Variants in ERBB4 observed in about 807,000 individuals in gnomAD.
ERBB4 encodes the protein erb-b2 receptor tyrosine kinase 4, also known as receptor tyrosine-protein kinase erbB-4.
ERBB4 carries 42 observed loss-of-function variants against 158.0 expected under a neutral mutation model. That is an observed-to-expected ratio of 0.27 (90% CI 0.21 to 0.34). The LOEUF (loss-of-function observed/expected upper bound fraction) is 0.34. ERBB4 is among the 10% of genes least tolerant of loss of function. The pLI, the probability that ERBB4 is intolerant of heterozygous loss-of-function variation, is 1.00. For synonymous variants in ERBB4, 583 were observed against 558.7 expected (o/e 1.04, Z -0.61); for missense variants, 1,333 against 1,624.1 (o/e 0.82, Z 3.08).
intron 1 of ERBB4, among the ~76,000 whole-genome samples, chr2:212,313,035 T>C (rs1178679338): frequency 6.6e-6 from 1 of 150,890 alleles, no homozygotes; most frequent in East Asian, 2.0e-4. Context: ...TTTTGGCAAG[T>C]TTCTTTTCAT....
intron 1 of ERBB4, among the ~76,000 whole-genome samples, chr2:212,277,498 G>A (rs1156862274): frequency 6.6e-6 from 1 of 151,440 alleles, no homozygotes; most frequent in Non-Finnish European, 1.5e-5. Context: ...TCATTTCAAG[G>A]GCCTAGTGTA....
intron 12 of ERBB4, among the ~76,000 whole-genome samples, chr2:211,696,751 C>T (rs1348728542): frequency 2.0e-5 from 3 of 152,054 alleles, no homozygotes; most frequent in African/African-American, 7.2e-5. Flanking sequence ...CTCACTGCAA[C>T]CTCTGCCTCC....
At chr2:212,347,492 T>C (rs1173959216) in intron 1 of ERBB4, among the ~76,000 whole-genome samples, 1 of 152,140 alleles carries the variant, frequency 6.6e-6, no homozygotes, top group Non-Finnish European at 1.5e-5. Flanking sequence ...TAGTGTGACT[T>C]TATTTAATTG....
intron 20 of ERBB4, among the ~76,000 whole-genome samples, chr2:211,547,559 CA>C (rs1421243383): frequency 6.6e-6 from 1 of 151,972 alleles, no homozygotes; most frequent in Non-Finnish European, 1.5e-5. Context: ...GTTTTAGAAA[CA>C]AAAGCCATAG....
At chr2:212,500,890 C>T (rs573675449) in intron 1 of ERBB4, among the ~76,000 whole-genome samples, 1 of 152,164 alleles carries the variant, frequency 6.6e-6, no homozygotes, top group Admixed American at 6.5e-5. Flanking sequence ...TTGGAATACA[C>T]CTGGCATATA....
intron 1 of ERBB4, among the ~76,000 whole-genome samples, chr2:212,277,754 T>C (rs1574581238): frequency 6.6e-6 from 1 of 151,896 alleles, no homozygotes; most frequent in Non-Finnish European, 1.5e-5. Context: ...TTCATCTTTA[T>C]ATGCTGACAC....
At chr2:212,362,519 A>G (rs995583898) in intron 1 of ERBB4, among the ~76,000 whole-genome samples, 1 of 150,678 alleles carries the variant, frequency 6.6e-6, no homozygotes, top group Non-Finnish European at 1.5e-5. Context: ...TAAGCTATCT[A>G]GTGTGACTTG....
In ERBB4 at chr2:211,444,066, G is replaced by C. The variant is rs543078322; in HGVS notation, c.2488-12966C>G. Reference sequence around the variant, plus strand: ...CTGATAATGCTGTCTTTCCTATAATGGTTTAATTTCAGCACCCTTACCATC... The same window carrying C: ...CTGATAATGCTGTCTTTCCTATAATCGTTTAATTTCAGCACCCTTACCATC... On this transcript the variant is annotated intron_variant, in intron 20 of 27. Coordinates refer to ENST00000342788, the MANE Select transcript of ERBB4 (RefSeq NM_005235.3). 3.3e-5 allele frequency among the ~76,000 whole-genome samples: 5 copies of C among 151,890 alleles called. No homozygotes were observed. The East Asian group carries it at 9.7e-4, about 29-fold the overall frequency.
At chr2:211,722,345 T>C in intron 7 of ERBB4, 48 bp downstream of exon 7, 2 of 1,488,536 alleles carry the variant, frequency 1.3e-6, no homozygotes, top group Non-Finnish European at 1.9e-6. Flanking sequence ...TTCTTTTGAT[T>C]TCAAATAATG....
chr2:211,471,070 C>T (rs1014035915), intron 20 of ERBB4, among the ~76,000 whole-genome samples: 2 of 151,928 alleles, frequency 1.3e-5, no homozygotes, highest in African/African-American at 2.4e-5. Flanking sequence ...GTATGGCTAC[C>T]GAAGACCATT....
chr2:211,648,010 C>T (rs2070839233), intron 16 of ERBB4, among the ~76,000 whole-genome samples: 1 of 151,768 alleles, frequency 6.6e-6, no homozygotes, highest in East Asian at 1.9e-4. Context: ...TTTCCATCTA[C>T]ACTTTCTACA....
At chr2:212,286,246 A>T (rs114566530) in intron 1 of ERBB4, among the ~76,000 whole-genome samples, 2,693 of 152,268 alleles carry the variant, frequency 0.018, 85 homozygotes, top group African/African-American at 0.062. Flanking sequence ...TATGAAATAC[A>T]ACCAATATCA....
At chr2:211,700,439 T>G (rs2073191568) in intron 12 of ERBB4, among the ~76,000 whole-genome samples, 1 of 152,178 alleles carries the variant, frequency 6.6e-6, no homozygotes. Flanking sequence ...AGTAAGAACT[T>G]AAGTTCACTC....
At chr2:212,518,149 A>G (rs10172512) in intron 1 of ERBB4, among the ~76,000 whole-genome samples, 15,145 of 152,080 alleles carry the variant, frequency 0.1, 1,014 homozygotes, top group Non-Finnish European at 0.15. Context: ...ATTTGACCAT[A>G]AATCAGTCTA....
At chr2:211,999,178 T>C (rs1340583122) in intron 2 of ERBB4, among the ~76,000 whole-genome samples, 1 of 151,850 alleles carries the variant, frequency 6.6e-6, no homozygotes, top group Non-Finnish European at 1.5e-5. Context: ...TTTCCCAAAT[T>C]AGTCTTCCCA....
Position 211,880,952 on chromosome 2 carries a change from C to T in ERBB4, c.421+66478G>A, listed in dbSNP as rs2078644910. Among the ~76,000 whole-genome samples, 2 of 152,124 alleles carry T rather than the reference C, an allele frequency of 1.3e-5. 1 individual carries two copies. The highest frequency in any genetic ancestry group is 4.1e-4 in the South Asian group (2 of 4,828). Reference sequence around the variant, plus strand: ...GTAATATCCAATGCCACAGACATCTCAATTAGTGGAGCTTACTCAGTTTTG... The same window carrying T: ...GTAATATCCAATGCCACAGACATCTTAATTAGTGGAGCTTACTCAGTTTTG... On this transcript the variant is annotated intron_variant, in intron 3 of 27. Coordinates refer to ENST00000342788, the MANE Select transcript of ERBB4 (RefSeq NM_005235.3).
At chr2:211,427,372 T>C (rs1574469943) in intron 22 of ERBB4, among the ~76,000 whole-genome samples, 1 of 152,284 alleles carries the variant, frequency 6.6e-6, no homozygotes, top group Non-Finnish European at 1.5e-5. Context: ...TTATATGATA[T>C]ATTTAAACTT....
At chr2:212,187,432 TAAATA>T (rs1045672058) in intron 1 of ERBB4, among the ~76,000 whole-genome samples, 1 of 132,820 alleles carries the variant, frequency 7.5e-6, no homozygotes, top group Admixed American at 7.2e-5. Context: ...AATAAATAAA[TAAATA>T]AATAAATAAA....
chr2:212,160,481 C>G (rs1288722646), intron 1 of ERBB4, among the ~76,000 whole-genome samples: 1 of 151,928 alleles, frequency 6.6e-6, no homozygotes, highest in African/African-American at 2.4e-5. Flanking sequence ...CTGTATCACA[C>G]ACACAAAAAG....
Sources: allele counts gnomAD v4.1 joint callset (sites outside exome capture counted in the v4.1 genomes callset), GRCh38; gene constraint gnomAD v4.1.1; transcripts MANE v1.5; gene names NCBI Gene and HGNC (gene_info 2026-07-23, HGNC 2026-07-21).